Variants in HMGCLL1 observed in about 807,000 individuals in gnomAD.
HMGCLL1 encodes the protein 3-hydroxymethyl-3-methylglutaryl-CoA lyase, cytoplasmic.
Under a neutral mutation model 39.1 loss-of-function variants are expected in HMGCLL1, and 36 were observed. The ratio of observed to expected loss-of-function variants is 0.92; its 90% CI spans 0.71 to 1.22. The LOEUF is 1.22. Among genes scored for constraint, HMGCLL1 ranks in the 50% most tolerant of loss-of-function variants. The pLI, the probability that HMGCLL1 is intolerant of heterozygous loss-of-function variation, is 0.00. For missense variants in HMGCLL1, 451 were observed against 416.5 expected (o/e 1.08, Z -0.72); for synonymous variants, 149 against 144.0 (o/e 1.03, Z -0.25).
the HMGCLL1 span, among the ~76,000 whole-genome samples, chr6:55,620,893 T>C: frequency 6.6e-6 from 1 of 152,164 alleles, no homozygotes; most frequent in African/African-American, 2.4e-5. Flanking sequence ...CTTTCTCCAA[T>C]GTTTGTTCTT....
At chr6:55,567,306 G>A (rs1449708593) in intron 1 of HMGCLL1, among the ~76,000 whole-genome samples, 1 of 151,962 alleles carries the variant, frequency 6.6e-6, no homozygotes, top group Admixed American at 6.6e-5. Context: ...CAATTTATAA[G>A]ATTATGGGGT....
chr6:55,623,614 C>A, the HMGCLL1 span, among the ~76,000 whole-genome samples: 1 of 150,174 alleles, frequency 6.7e-6, no homozygotes, highest in African/African-American at 2.4e-5. Flanking sequence ...ACTATTAGAG[C>A]CGAAGAGAGA....
chr6:55,642,890 C>G, the HMGCLL1 span, among the ~76,000 whole-genome samples: 45 of 152,070 alleles, frequency 3.0e-4, no homozygotes, highest in East Asian at 7.5e-3. Context: ...GAATATGCAA[C>G]ATTTGATTTT....
the HMGCLL1 span, among the ~76,000 whole-genome samples, chr6:55,606,835 C>T: frequency 6.6e-6 from 1 of 151,806 alleles, no homozygotes; most frequent in Non-Finnish European, 1.5e-5. Flanking sequence ...AATGTAATCA[C>T]ACAGCACCTT....
chr6:55,471,664 C>T (rs1427555706), intron 7 of HMGCLL1, among the ~76,000 whole-genome samples: 1 of 151,478 alleles, frequency 6.6e-6, no homozygotes, highest in East Asian at 1.9e-4. Flanking sequence ...TAATTCTTAA[C>T]AATTTTTATA....
At chr6:55,452,124 C>T (rs1764121659) in intron 7 of HMGCLL1, among the ~76,000 whole-genome samples, 1 of 152,130 alleles carries the variant, frequency 6.6e-6, no homozygotes. Context: ...CACAGCACTG[C>T]ATGTTTGAGG....
chr6:55,670,468 G>T, the HMGCLL1 span, among the ~76,000 whole-genome samples: 3 of 151,796 alleles, frequency 2.0e-5, no homozygotes, highest in African/African-American at 4.8e-5. Flanking sequence ...TCCATTTGAG[G>T]TCTATTAAAT....
the HMGCLL1 span, among the ~76,000 whole-genome samples, chr6:55,594,635 G>A: frequency 6.6e-6 from 1 of 152,126 alleles, no homozygotes; most frequent in Non-Finnish European, 1.5e-5. Context: ...GAGCACGCAG[G>A]GTGCTAGCTG....
chr6:55,583,530 C>T (rs113007912), upstream of HMGCLL1, among the ~76,000 whole-genome samples: 13,039 of 151,890 alleles, frequency 0.086, 769 homozygotes, highest in Non-Finnish European at 0.13. Context: ...TGAACTCATC[C>T]TTTTTTATGG....
chr6:55,677,350 C>T, the HMGCLL1 span, among the ~76,000 whole-genome samples: 2 of 152,058 alleles, frequency 1.3e-5, no homozygotes, highest in Non-Finnish European at 2.9e-5. Flanking sequence ...GGTGACAGAG[C>T]GAGACCCTAT....
upstream of HMGCLL1, among the ~76,000 whole-genome samples, chr6:55,581,279 G>A (rs530174579): frequency 1.3e-5 from 2 of 151,986 alleles, no homozygotes; most frequent in Admixed American, 1.3e-4. Flanking sequence ...ATAGTGATAC[G>A]TGTTTTTTTA....
chr6:55,584,631 G>C, the HMGCLL1 span, among the ~76,000 whole-genome samples: 1 of 152,120 alleles, frequency 6.6e-6, no homozygotes, highest in African/African-American at 2.4e-5. Flanking sequence ...CGAGTGGGAA[G>C]TACTTGGGTG....
At chr6:55,558,487 T>G (rs2127469161) in intron 1 of HMGCLL1, among the ~76,000 whole-genome samples, 1 of 152,290 alleles carries the variant, frequency 6.6e-6, no homozygotes, top group South Asian at 2.1e-4. Context: ...CTATATAAAT[T>G]TACTCTGAAA....
At chr6:55,585,410 A>G in the HMGCLL1 span, among the ~76,000 whole-genome samples, 4 of 152,102 alleles carry the variant, frequency 2.6e-5, no homozygotes, top group African/African-American at 9.7e-5. Flanking sequence ...TTGCCAACAG[A>G]TATAAAAATA....
chr6:55,488,597 A>G (rs2127418686), intron 7 of HMGCLL1, among the ~76,000 whole-genome samples: 1 of 152,168 alleles, frequency 6.6e-6, no homozygotes, highest in South Asian at 2.1e-4. Flanking sequence ...TTTATATTGT[A>G]TATTATGCTC....
chr6:55,555,937 A>G lies in HMGCLL1; in HGVS notation c.109-13797T>C, dbSNP rs530237115. Reference sequence around the variant, plus strand: ...TGTGGGGGTTCTTTTGGGCAGGATGAGGTAGAGTTGAACATTTCCATTGGT... The same window carrying G: ...TGTGGGGGTTCTTTTGGGCAGGATGGGGTAGAGTTGAACATTTCCATTGGT... On this transcript the variant is annotated intron_variant, in intron 1 of 8. Coordinates refer to ENST00000274901, the MANE Select transcript of HMGCLL1 (RefSeq NM_001042406.2). Among the ~76,000 whole-genome samples, 225 of 152,218 alleles carry G rather than the reference A, an allele frequency of 1.5e-3. 2 individuals carry two copies. Among genetic ancestry groups the G allele is most frequent in the Non-Finnish European group, 2.1e-3 (144 of 68,016 alleles).
chr6:55,544,888 G>T (rs1181415556), intron 1 of HMGCLL1, among the ~76,000 whole-genome samples: 2 of 152,152 alleles, frequency 1.3e-5, no homozygotes, highest in Non-Finnish European at 2.9e-5. Flanking sequence ...GGAGGGATGA[G>T]AGGAAGGCCT....
chr6:55,621,471 T>A, the HMGCLL1 span, among the ~76,000 whole-genome samples: 815 of 152,052 alleles, frequency 5.4e-3, 7 homozygotes, highest in Non-Finnish European at 7.5e-3. Flanking sequence ...CCAACTCCTG[T>A]CAGATCAGCA....
the HMGCLL1 span, among the ~76,000 whole-genome samples, chr6:55,597,272 A>G: frequency 6.6e-6 from 1 of 152,258 alleles, no homozygotes; most frequent in Admixed American, 6.5e-5. Flanking sequence ...AGATTCATAT[A>G]TACTTTTAAA....
Sources: allele counts gnomAD v4.1 joint callset (sites outside exome capture counted in the v4.1 genomes callset), GRCh38; gene constraint gnomAD v4.1.1; transcripts MANE v1.5; gene names NCBI Gene and HGNC (gene_info 2026-07-23, HGNC 2026-07-21).